The following GREM2 variants were observed in gnomAD, a reference collection of about 807,000 sequenced individuals.
GREM2 encodes the protein gremlin-2.
A neutral mutation model predicts 14.2 loss-of-function variants in GREM2; 11 were observed. The observed-to-expected ratio is 0.78, with a 90% CI of 0.49 to 1.28. The LOEUF (loss-of-function observed/expected upper bound fraction) is 1.28. Among genes scored for constraint, GREM2 ranks in the 50% most tolerant of loss-of-function variants. GREM2 has a pLI of 0.00. For synonymous variants in GREM2, 98 were observed against 97.6 expected, an observed-to-expected ratio of 1.00 and a Z score of -0.02; for missense variants, 210 against 218.5, an observed-to-expected ratio of 0.96 and a Z score of 0.24.
At chr1:240,533,825 T>C (rs1678415190) in intron 1 of GREM2, among the ~76,000 whole-genome samples, 1 of 152,224 alleles carries the variant, frequency 6.6e-6, no homozygotes, top group African/African-American at 2.4e-5. Context: ...GCTTCCATTA[T>C]TGGGAAACTA....
At chr1:240,551,537 C>A (rs927609018) in intron 1 of GREM2, among the ~76,000 whole-genome samples, 1 of 151,966 alleles carries the variant, frequency 6.6e-6, no homozygotes, top group South Asian at 2.1e-4. Flanking sequence ...GTAGTAGAGA[C>A]GGGGTTTCAC....
At chr1:240,527,388 A>G (rs1322317787) in intron 1 of GREM2, among the ~76,000 whole-genome samples, 1 of 152,248 alleles carries the variant, frequency 6.6e-6, no homozygotes, top group Admixed American at 6.5e-5. Context: ...AAAGTAGATT[A>G]GTATTAATTT....
chr1:240,493,281 G>T lies in GREM2; in HGVS notation c.195C>A (p.Arg65=). The T allele has an allele frequency of 6.2e-7, 1 of 1,614,000 alleles. No individual in the cohort carries two copies. The highest frequency in any genetic ancestry group is 8.5e-7 in the Non-Finnish European group (1 of 1,179,958). The change falls in exon 2 of 2, where the codon CGC becomes CGA. Residue 65 remains arginine, a synonymous_variant. Coordinates refer to ENST00000318160, the MANE Select transcript of GREM2 (RefSeq NM_022469.4). Reference sequence around the variant, plus strand: ...TGCACCAGTCACTCTTGAGGTACTTGCGCTCGGTGACCACCAGGGCCTCCT... The same window carrying T: ...TGCACCAGTCACTCTTGAGGTACTTTCGCTCGGTGACCACCAGGGCCTCCT... The part of the protein sequence containing the change: ...SSQEALVVTE[R]KYLKSDWCKT...
At chr1:240,573,820 A>G (rs1390586817) in intron 1 of GREM2, among the ~76,000 whole-genome samples, 1 of 152,126 alleles carries the variant, frequency 6.6e-6, no homozygotes, top group Non-Finnish European at 1.5e-5. Flanking sequence ...CCATAGCCTG[A>G]GTTGCGGGTA....
chr1:240,512,135 T>G (rs1677848267), intron 1 of GREM2, among the ~76,000 whole-genome samples: 1 of 152,222 alleles, frequency 6.6e-6, no homozygotes, highest in African/African-American at 2.4e-5. Context: ...AGTTACCATT[T>G]CAATGCAAGG....
intron 1 of GREM2, among the ~76,000 whole-genome samples, chr1:240,508,246 T>C (rs1477214450): frequency 6.6e-6 from 1 of 152,212 alleles, no homozygotes; most frequent in African/African-American, 2.4e-5. Flanking sequence ...TACATATTTA[T>C]TGAATGAAAG....
intron 1 of GREM2, among the ~76,000 whole-genome samples, chr1:240,547,499 CAAA>C (rs200373636): frequency 9.9e-4 from 87 of 87,602 alleles, no homozygotes; most frequent in East Asian, 9.5e-3. Context: ...GACTCCATCT[CAAA>C]AAAAAAAAAA....
At chr1:240,513,169 T>C (rs1051534672) in intron 1 of GREM2, among the ~76,000 whole-genome samples, 14 of 152,156 alleles carry the variant, frequency 9.2e-5, no homozygotes, top group Admixed American at 4.6e-4. Context: ...GGCTTCCCTA[T>C]GGCATGCAAC....
At chr1:240,533,533 A>T (rs993564401) in intron 1 of GREM2, among the ~76,000 whole-genome samples, 1 of 150,798 alleles carries the variant, frequency 6.6e-6, no homozygotes, top group Non-Finnish European at 1.5e-5. Flanking sequence ...TTATGTAATA[A>T]GAAAGTCCCA....
intron 1 of GREM2, among the ~76,000 whole-genome samples, chr1:240,558,226 T>TA (rs1490732101): frequency 6.6e-6 from 1 of 151,990 alleles, no homozygotes; most frequent in South Asian, 2.1e-4. Context: ...ATAAGTGTGT[T>TA]ATGGAAAGAG....
intron 1 of GREM2, among the ~76,000 whole-genome samples, chr1:240,515,770 A>C (rs1677940627): frequency 6.6e-6 from 1 of 152,148 alleles, no homozygotes; most frequent in Admixed American, 6.6e-5. Context: ...GTGCATCATT[A>C]TCTTTTGTCT....
intron 1 of GREM2, among the ~76,000 whole-genome samples, chr1:240,539,509 C>G (rs1678542832): frequency 6.6e-6 from 1 of 152,116 alleles, no homozygotes; most frequent in African/African-American, 2.4e-5. Context: ...TTTACTATAC[C>G]CTCTGATCAT....
At chr1:240,593,265 G>A (rs560337326) in intron 1 of GREM2, among the ~76,000 whole-genome samples, 1 of 152,284 alleles carries the variant, frequency 6.6e-6, no homozygotes, top group South Asian at 2.1e-4. Context: ...ATGACAGGAA[G>A]GGGGAAGAGG....
intron 1 of GREM2, among the ~76,000 whole-genome samples, chr1:240,589,379 G>A (rs1679662372): frequency 6.6e-6 from 1 of 150,984 alleles, no homozygotes; most frequent in Non-Finnish European, 1.5e-5. Flanking sequence ...AGGTTGTGTT[G>A]AGCTGAGATC....
chr1:240,490,667 C>T lies in GREM2; in HGVS notation c.*2302G>A, dbSNP rs1677226195. Reference sequence around the variant, plus strand: ...CGATAACCCCAGAAGGAGCTTCACACTGCAGCATATCATATTGCTTTCATT... The same window carrying T: ...CGATAACCCCAGAAGGAGCTTCACATTGCAGCATATCATATTGCTTTCATT... On this transcript the variant is annotated 3_prime_UTR_variant, in exon 2 of 2. Transcript: ENST00000318160. 1 of 152,486 alleles carries T rather than the reference C, an allele frequency of 6.6e-6. No individual in the cohort carries two copies. The highest frequency in any genetic ancestry group is 2.1e-4 in the South Asian group (1 of 4,836). 9.4% of individuals were successfully genotyped at this position (152,486 alleles called of 1,614,324 possible). A position where few individuals can be genotyped will look rare whatever the true frequency, so the allele number is the denominator to read the frequency against.
chr1:240,523,347 G>A (rs1011457275), intron 1 of GREM2, among the ~76,000 whole-genome samples: 1 of 152,220 alleles, frequency 6.6e-6, no homozygotes, highest in Admixed American at 6.5e-5. Flanking sequence ...ATTCTGTGCT[G>A]TAAGGGGCTG....
chr1:240,536,771 A>AGAGTTTAAGACAAAAT (rs1678482100), intron 1 of GREM2, among the ~76,000 whole-genome samples: 1 of 152,226 alleles, frequency 6.6e-6, no homozygotes, highest in Non-Finnish European at 1.5e-5. Flanking sequence ...AGCCATCGGT[A>AGAGTTTAAGACAAAAT]GCTACGTGCA....
chr1:240,574,280 A>C (rs757816463), intron 1 of GREM2, among the ~76,000 whole-genome samples: 56 of 152,054 alleles, frequency 3.7e-4, no homozygotes, highest in Non-Finnish European at 4.9e-4. Flanking sequence ...CGATCTCCCC[A>C]CTCCTCAGAA....
Position 240,510,136 on chromosome 1 carries a change from G to A in GREM2, c.-1-16660C>T, listed in dbSNP as rs533501079. 2.2e-4 allele frequency among the ~76,000 whole-genome samples: 33 copies of A among 152,216 alleles called. No homozygotes were observed. In the South Asian group the frequency reaches 4.3e-3, roughly 20 times the overall value. Reference sequence around the variant, plus strand: ...TGTAATCCCAGCACTTTGGGAGGCCGAGGCGGGCGGATCACGAGGTCAGGA... The same window carrying A: ...TGTAATCCCAGCACTTTGGGAGGCCAAGGCGGGCGGATCACGAGGTCAGGA... On this transcript the variant is annotated intron_variant, in intron 1 of 1. Coordinates refer to ENST00000318160, the MANE Select transcript of GREM2 (RefSeq NM_022469.4).
Sources: allele counts gnomAD v4.1 joint callset (sites outside exome capture counted in the v4.1 genomes callset), GRCh38; gene constraint gnomAD v4.1.1; transcripts MANE v1.5; gene names NCBI Gene and HGNC (gene_info 2026-07-23, HGNC 2026-07-21).